Variants in PHC3 observed in about 807,000 individuals in gnomAD.
The protein encoded by PHC3 is polyhomeotic homolog 3, also known as polyhomeotic-like protein 3.
In PHC3, 13 loss-of-function variants were observed where a neutral mutation model predicts 107.4. The ratio of observed to expected loss-of-function variants is 0.12; its 90% CI spans 0.08 to 0.19. PHC3 has a LOEUF of 0.19. PHC3 is among the 10% of genes least tolerant of loss of function. The probability of loss-of-function intolerance (pLI) is 1.00; values close to 1 mark genes in which losing one functional copy is unlikely to be tolerated. For missense variants in PHC3, 992 were observed against 1,210.9 expected (o/e 0.82, Z 2.68); for synonymous variants, 456 against 427.4 (o/e 1.07, Z -0.83).
intron 12 of PHC3, among the ~76,000 whole-genome samples, chr3:170,105,210 G>A (rs1420132785): frequency 6.6e-6 from 1 of 152,150 alleles, no homozygotes; most frequent in Admixed American, 6.5e-5. Context: ...AATTTTTAGA[G>A]TTTTTAAATC....
chr3:170,166,645 A>G (rs1728791131), intron 4 of PHC3, among the ~76,000 whole-genome samples: 1 of 151,840 alleles, frequency 6.6e-6, no homozygotes, highest in African/African-American at 2.4e-5. Flanking sequence ...TGACAGTGCT[A>G]TATGAAAGGG....
Position 170,117,395 on chromosome 3 carries a change from G to A in PHC3, c.2024C>T (p.Pro675Leu). 1 of 1,613,830 alleles carries A rather than the reference G, an allele frequency of 6.2e-7. No individual in the cohort carries two copies. Among genetic ancestry groups the A allele is most frequent in the Non-Finnish European group, 8.5e-7 (1 of 1,179,832 alleles). The change falls in exon 10 of 15, where the codon CCA (proline) becomes CTA (leucine). Residue 675 changes from proline to leucine, a missense_variant. By Grantham distance (98) the Pro-to-Leu change is moderately conservative. Coordinates refer to ENST00000495893, the MANE Select transcript of PHC3 (RefSeq NM_024947.4). ...SPSDPSHVSV[P>L]PPPLLLPAAT... is the part of the protein sequence containing the mutation. ...AGCTGGAAGTAACAATGGAGGTGGT[G>A]GAACAGAAACATGTGAGGGATCTGA...
intron 4 of PHC3, among the ~76,000 whole-genome samples, chr3:170,159,507 C>T (rs1369336614): frequency 6.6e-6 from 1 of 151,964 alleles, no homozygotes; most frequent in East Asian, 1.9e-4. Flanking sequence ...AGGATCAATC[C>T]AGAAAGGTCA....
intron 2 of PHC3, among the ~76,000 whole-genome samples, chr3:170,173,389 T>C (rs1256868036): frequency 6.6e-6 from 1 of 152,172 alleles, no homozygotes; most frequent in African/African-American, 2.4e-5. Context: ...AATACTCCCA[T>C]ATTGCTAGTA....
At chr3:170,111,766 C>A (rs957135361) in intron 11 of PHC3, among the ~76,000 whole-genome samples, 1 of 151,966 alleles carries the variant, frequency 6.6e-6, no homozygotes, top group Non-Finnish European at 1.5e-5. Context: ...AAAGAGCTAA[C>A]AATGTCAGAG....
At chr3:170,126,802 A>C (rs1359866267) in intron 8 of PHC3, among the ~76,000 whole-genome samples, 1 of 151,830 alleles carries the variant, frequency 6.6e-6, no homozygotes, top group East Asian at 1.9e-4. Context: ...TGGCCTCCCA[A>C]AGTGCTGGGA....
chr3:170,163,356 A>G (rs1218336415), intron 4 of PHC3, among the ~76,000 whole-genome samples: 1 of 152,168 alleles, frequency 6.6e-6, no homozygotes, highest in Non-Finnish European at 1.5e-5. Context: ...GCAACAAGGA[A>G]AGAGAATGAC....
intron 8 of PHC3, chr3:170,128,361 C>T: frequency 1.5e-6 from 2 of 1,303,668 alleles, no homozygotes; most frequent in East Asian, 4.9e-5. Context: ...AAACTTTGTG[C>T]AGATGACACT....
intron 7 of PHC3, 122 bp downstream of exon 7, chr3:170,136,297 A>T: frequency 8.3e-7 from 1 of 1,200,578 alleles, no homozygotes. Context: ...AAGTTTATAA[A>T]ATTCACATTT....
At chr3:170,143,488 TTAC>T (rs1343186108) in intron 6 of PHC3, among the ~76,000 whole-genome samples, 5 of 151,714 alleles carry the variant, frequency 3.3e-5, no homozygotes, top group Admixed American at 2.0e-4. Flanking sequence ...AGGAATATTA[TTAC>T]TACCTCATTT....
intron 2 of PHC3, chr3:170,176,893 G>A (rs774749312): frequency 1.3e-5 from 6 of 455,248 alleles, no homozygotes; most frequent in Non-Finnish European, 2.2e-5. Flanking sequence ...AGGCTCAAGG[G>A]GATTATGTCT....
chr3:170,125,976 A>G (rs1169104656), intron 8 of PHC3: 3 of 980,532 alleles, frequency 3.1e-6, no homozygotes, highest in Non-Finnish European at 3.6e-6. Flanking sequence ...ATAAAGTCCA[A>G]TATTCCCATC....
chr3:170,136,734 T>C, intron 6 of PHC3, 69 bp from the exon 7 acceptor site: 2 of 1,491,300 alleles, frequency 1.3e-6, no homozygotes, highest in South Asian at 1.2e-5. Context: ...ATCATTACCA[T>C]TATGACAATA....
At chr3:170,175,222 T>C (rs1417443629) in intron 2 of PHC3, among the ~76,000 whole-genome samples, 1 of 152,228 alleles carries the variant, frequency 6.6e-6, no homozygotes, top group East Asian at 1.9e-4. Flanking sequence ...GGAGAAGCAA[T>C]TCTATGGTCT....
intron 8 of PHC3, chr3:170,128,436 A>C (rs1721703186): frequency 7.9e-7 from 1 of 1,272,532 alleles, no homozygotes; most frequent in African/African-American, 1.5e-5. Context: ...GGATTTGTTT[A>C]AATAGTAATA....
intron 11 of PHC3, among the ~76,000 whole-genome samples, chr3:170,111,494 G>T (rs1255558990): frequency 1.3e-5 from 2 of 152,098 alleles, no homozygotes; most frequent in Admixed American, 6.5e-5. Flanking sequence ...TGGGGGTTAG[G>T]AATGGAGGAA....
rs971289297 is a variant in PHC3, at chr3:170,118,096, C to T, written c.1943-620G>A. Among the ~76,000 whole-genome samples, 8 of 152,176 alleles carry T rather than the reference C, an allele frequency of 5.3e-5. No individual in the cohort carries two copies. In the East Asian group the frequency reaches 1.5e-3, roughly 29 times the overall value. ...CAAATAATTTATACTAAAATGGTTGCTTGGTTTTGTTTTGATGTTTCTTAA... is the reference window on the plus strand; with the variant it reads ...CAAATAATTTATACTAAAATGGTTGTTTGGTTTTGTTTTGATGTTTCTTAA... On this transcript the variant is annotated intron_variant, in intron 9 of 14. Transcript: ENST00000495893.
At chr3:170,163,228 T>G (rs1007728060) in intron 4 of PHC3, among the ~76,000 whole-genome samples, 13 of 152,162 alleles carry the variant, frequency 8.5e-5, no homozygotes, top group African/African-American at 3.1e-4. Context: ...AAAGCTCATC[T>G]TGTCTAGCAT....
intron 10 of PHC3, among the ~76,000 whole-genome samples, chr3:170,114,430 T>C (rs914928583): frequency 1.3e-5 from 2 of 152,244 alleles, no homozygotes; most frequent in East Asian, 3.8e-4. Flanking sequence ...GTAGGGTTAA[T>C]GATCAAGACA....
Sources: allele counts gnomAD v4.1 joint callset (sites outside exome capture counted in the v4.1 genomes callset), GRCh38; gene constraint gnomAD v4.1.1; transcripts MANE v1.5; gene names NCBI Gene and HGNC (gene_info 2026-07-23, HGNC 2026-07-21).